Variants in GSE1 observed in about 807,000 individuals in gnomAD.
The protein encoded by GSE1 is Gse1 coiled-coil protein, also known as genetic suppressor element 1.
In GSE1, 32 loss-of-function variants were observed where a neutral mutation model predicts 112.6. The ratio of observed to expected loss-of-function variants is 0.28; its 90% confidence interval spans 0.21 to 0.38. The LOEUF is 0.38. Among genes scored for constraint, GSE1 ranks in the 10% least tolerant of loss-of-function variants. The pLI is 1.00. For synonymous variants in GSE1, 1,115 were observed against 735.6 expected, an observed-to-expected ratio of 1.52 and a Z score of -8.35; for missense variants, 2,348 against 1,699.2, an observed-to-expected ratio of 1.38 and a Z score of -6.71.
chr16:85,400,245 A>AG (rs1488887027), intron 2 of GSE1, among the ~76,000 whole-genome samples: 6 of 117,568 alleles, frequency 5.1e-5, no homozygotes, highest in African/African-American at 1.9e-4. Flanking sequence ...CAGGAAGTGT[A>AG]GGGTTGTGTG....
chr16:85,232,922 G>C (rs903030063), intron 1 of GSE1, among the ~76,000 whole-genome samples: 1 of 152,280 alleles, frequency 6.6e-6, no homozygotes, highest in Non-Finnish European at 1.5e-5. Context: ...CCAGGTGTGA[G>C]CGTGCAAAGT....
intron 11 of GSE1, 121 bp from the exon 12 acceptor site, chr16:85,664,894 C>A: frequency 1.5e-6 from 1 of 668,716 alleles, no homozygotes; most frequent in East Asian, 2.7e-5. Flanking sequence ...ATCACACCTG[C>A]TTTTGGTTTT....
In GSE1 at chr16:85,294,378, C is replaced by A. The variant is rs137870916; in HGVS notation, c.2284-63085C>A. Among the ~76,000 whole-genome samples, 787 of 152,288 alleles carry A rather than the reference C, an allele frequency of 5.2e-3. 7 individuals are homozygous for A. Among genetic ancestry groups the A allele is most frequent in the African/African-American group, 0.018 (756 of 41,550 alleles). ...AGTGTGAGGTTTACTCTGAGTGACT[C>A]GTGCAGGCCCTGCTGGCCCTTGTCC... On this transcript the variant is annotated intron_variant, in intron 1 of 2. Coordinates refer to the GSE1 transcript ENST00000637419.
intron 2 of GSE1, among the ~76,000 whole-genome samples, chr16:85,358,799 G>C (rs55765457): frequency 0.061 from 9,321 of 152,268 alleles, 365 homozygotes; most frequent in South Asian, 0.12. Context: ...GCCAGGCAGG[G>C]ACTACTGTCC....
At chr16:85,623,155 C>A (rs1598420410) in intron 1 of GSE1, among the ~76,000 whole-genome samples, 1 of 151,396 alleles carries the variant, frequency 6.6e-6, no homozygotes, top group Admixed American at 6.6e-5. Flanking sequence ...AACAACACAG[C>A]GTGATTTCAG....
chr16:85,333,934 A>G (rs937923462), intron 1 of GSE1, among the ~76,000 whole-genome samples: 2 of 152,302 alleles, frequency 1.3e-5, no homozygotes, highest in South Asian at 4.1e-4. Context: ...GCATGGCAGG[A>G]TGCTGAGCTA....
intron 1 of GSE1, among the ~76,000 whole-genome samples, chr16:85,193,706 G>A (rs1409190619): frequency 2.0e-5 from 3 of 152,120 alleles, no homozygotes; most frequent in Admixed American, 6.5e-5. Flanking sequence ...TGATCCACCC[G>A]CCTCAGCCTC....
At chr16:85,496,967 C>T (rs994103535) in intron 2 of GSE1, among the ~76,000 whole-genome samples, 7 of 151,742 alleles carry the variant, frequency 4.6e-5, no homozygotes, top group African/African-American at 1.5e-4. Context: ...GGCTCTATCT[C>T]GGCTCATTGC....
At chr16:85,612,633 T>G (rs2048067248), upstream of GSE1, among the ~76,000 whole-genome samples, 1 of 151,096 alleles carries the variant, frequency 6.6e-6, no homozygotes, top group African/African-American at 2.4e-5. Context: ...GTGGGGTGCC[T>G]TATGGAATTT....
At chr16:85,628,536 C>A (rs929907707) in intron 1 of GSE1, among the ~76,000 whole-genome samples, 3 of 152,078 alleles carry the variant, frequency 2.0e-5, no homozygotes, top group African/African-American at 7.2e-5. Context: ...AGAGGGCCTC[C>A]CTGGTCACCA....
chr16:85,596,513 A>G (rs2047233420), intron 1 of GSE1, among the ~76,000 whole-genome samples: 1 of 152,238 alleles, frequency 6.6e-6, no homozygotes, highest in South Asian at 2.1e-4. Context: ...CATACACCTC[A>G]CAGACCAAAT....
At chr16:85,541,565 AC>A (rs2044519767) in intron 2 of GSE1, among the ~76,000 whole-genome samples, 1 of 152,132 alleles carries the variant, frequency 6.6e-6, no homozygotes, top group Non-Finnish European at 1.5e-5. Context: ...CCTGCCAGCC[AC>A]TCCGTGGACA....
chr16:85,412,955 C>A (rs1487808977), intron 2 of GSE1, among the ~76,000 whole-genome samples: 2 of 152,220 alleles, frequency 1.3e-5, no homozygotes, highest in African/African-American at 4.8e-5. Context: ...GTCCGTGAAG[C>A]CATCGGCCCG....
chr16:85,468,371 C>CGGT (rs2050185927), intron 2 of GSE1, among the ~76,000 whole-genome samples: 1 of 138,052 alleles, frequency 7.2e-6, no homozygotes, highest in Non-Finnish European at 1.5e-5. Context: ...GGCTGGAGTG[C>CGGT]GGTGACGCGA....
At chr16:85,284,963 G>T (rs971385587) in intron 1 of GSE1, 1 of 152,200 alleles carries the variant, frequency 6.6e-6, no homozygotes, top group South Asian at 2.1e-4. Context: ...ATAGAAAATC[G>T]CCGCTTACAA....
At chr16:85,317,870 G>T (rs577100481) in intron 1 of GSE1, among the ~76,000 whole-genome samples, 1 of 152,230 alleles carries the variant, frequency 6.6e-6, no homozygotes, top group African/African-American at 2.4e-5. Flanking sequence ...GGAAACTATC[G>T]TGTGAATCGT....
rs559712054 is a variant in GSE1, at chr16:85,419,707, C to T, written c.2464+62064C>T. ...GCAGTCGTGTGCAACGGTGAATGCA[C>T]GTTGGAATCAGCTGGGGATCTCTAA... On this transcript the variant is annotated intron_variant, in intron 2 of 2. Coordinates refer to the GSE1 transcript ENST00000637419. The surrounding 1 kb of genome is among the most constrained non-coding windows in gnomAD (Gnocchi z 6.5). Among the ~76,000 whole-genome samples the T allele has an allele frequency of 7.4e-4, 113 of 152,236 alleles. No homozygotes were observed. Among genetic ancestry groups the T allele is most frequent in the Non-Finnish European group, 1.3e-3 (86 of 68,002 alleles).
chr16:85,269,217 C>G (rs531097024), intron 1 of GSE1, among the ~76,000 whole-genome samples: 1 of 149,524 alleles, frequency 6.7e-6, no homozygotes, highest in South Asian at 2.1e-4. Context: ...CTCCAATTTA[C>G]TCCTTTGATT....
chr16:85,308,645 T>C (rs1464407739), intron 1 of GSE1, among the ~76,000 whole-genome samples: 2 of 152,202 alleles, frequency 1.3e-5, no homozygotes, highest in Middle Eastern at 3.4e-3. Context: ...CTTTATGTTG[T>C]GTATAGCCAC....
Sources: allele counts gnomAD v4.1 joint callset (sites outside exome capture counted in the v4.1 genomes callset), GRCh38; gene constraint gnomAD v4.1.1; non-coding constraint Gnocchi (gnomAD v3.1); transcripts MANE v1.5; gene names NCBI Gene and HGNC (gene_info 2026-07-23, HGNC 2026-07-21).